EEPD1: variants seen among roughly 807,000 people sequenced by gnomAD.
EEPD1 encodes the protein endonuclease/exonuclease/phosphatase family domain-containing protein 1.
A neutral mutation model predicts 46.3 loss-of-function variants in EEPD1; 17 were observed. The ratio of observed to expected loss-of-function variants is 0.37; its 90% CI spans 0.25 to 0.55. EEPD1 has a LOEUF of 0.55. EEPD1 is among the 20% of genes least tolerant of loss of function. The pLI, the probability that EEPD1 is intolerant of heterozygous loss-of-function variation, is 0.83. For synonymous variants in EEPD1, 313 were observed against 315.6 expected, an observed-to-expected ratio of 0.99 and a Z score of 0.09; for missense variants, 673 against 745.6, an observed-to-expected ratio of 0.90 and a Z score of 1.13.
intron 2 of EEPD1, among the ~76,000 whole-genome samples, chr7:36,157,470 G>GT (rs954611611): frequency 6.9e-4 from 105 of 152,240 alleles, no homozygotes; most frequent in African/African-American, 2.2e-3. Context: ...AGGTTGTCCT[G>GT]TTTTTTTCTT....
chr7:36,295,582 CAAAT>C (rs1023886833), intron 6 of EEPD1, among the ~76,000 whole-genome samples: 4 of 152,138 alleles, frequency 2.6e-5, no homozygotes, highest in African/African-American at 9.7e-5. Context: ...TTTCACATAT[CAAAT>C]GAATGTTTTG....
At chr7:36,160,253 C>G (rs993996498) in intron 2 of EEPD1, among the ~76,000 whole-genome samples, 2 of 152,182 alleles carry the variant, frequency 1.3e-5, no homozygotes, top group African/African-American at 4.8e-5. Context: ...AGACAAAGTC[C>G]CTGCACTCAT....
At chr7:36,205,583 G>A (rs762579275) in intron 2 of EEPD1, among the ~76,000 whole-genome samples, 33 of 152,318 alleles carry the variant, frequency 2.2e-4, no homozygotes, top group African/African-American at 7.7e-4. Flanking sequence ...GGGTCCCAGC[G>A]CTGCATCTGG....
In EEPD1 at chr7:36,258,897, A is replaced by C. The variant is rs1220723710; in HGVS notation, c.930+19861A>C. Among the ~76,000 whole-genome samples, 3 of 151,408 alleles carry C rather than the reference A, an allele frequency of 2.0e-5. No homozygotes were observed. The East Asian group carries it at 5.8e-4, about 29-fold the overall frequency. ...GCCACTGGGGTATGAAAAAAAAAAA[A>C]AAAAAAACTGCAGCTAGCTCAGTGT... On this transcript the variant is annotated intron_variant, in intron 3 of 7. Transcript: ENST00000242108.
At chr7:36,280,999 T>TG in intron 3 of EEPD1, 116 bp from the exon 4 acceptor site, 1 of 750,156 alleles carries the variant, frequency 1.3e-6, no homozygotes, top group Admixed American at 2.4e-5. Flanking sequence ...AGTTCAGCAG[T>TG]GTCTGAATAA....
In EEPD1 at chr7:36,301,246, G is replaced by A. The variant is rs1787618667; in HGVS notation, c.*2040G>A. 1 of 152,210 alleles carries A rather than the reference G, an allele frequency of 6.6e-6. No individual in the cohort carries two copies. The highest frequency in any genetic ancestry group is 2.1e-4 in the South Asian group (1 of 4,836). 9.4% of individuals were successfully genotyped at this position (152,210 alleles called of 1,614,324 possible). On this transcript the variant is annotated 3_prime_UTR_variant, in exon 8 of 8. Transcript: ENST00000242108. Reference sequence around the variant, plus strand: ...GGCTCAGTGGCCCAGGAAGTGTGCTGGGCAGCCTGTTCTTACTCCAGCTCA... The same window carrying A: ...GGCTCAGTGGCCCAGGAAGTGTGCTAGGCAGCCTGTTCTTACTCCAGCTCA...
chr7:36,269,989 C>G (rs1303028241), intron 3 of EEPD1, among the ~76,000 whole-genome samples: 1 of 152,152 alleles, frequency 6.6e-6, no homozygotes, highest in East Asian at 1.9e-4. Context: ...AAAGCTTCGC[C>G]ACCAAGGAGA....
At chr7:36,158,922 A>T (rs760662352) in intron 2 of EEPD1, among the ~76,000 whole-genome samples, 1 of 152,242 alleles carries the variant, frequency 6.6e-6, no homozygotes, top group Non-Finnish European at 1.5e-5. Context: ...TTAACATCCC[A>T]CTTGCTCATT....
intron 3 of EEPD1, among the ~76,000 whole-genome samples, chr7:36,258,903 A>G (rs1347973657): frequency 6.6e-6 from 1 of 151,446 alleles, no homozygotes; most frequent in African/African-American, 2.4e-5. Flanking sequence ...AAAAAAAAAA[A>G]ACTGCAGCTA....
intron 2 of EEPD1, among the ~76,000 whole-genome samples, chr7:36,161,073 G>A (rs1288004637): frequency 6.6e-6 from 1 of 152,088 alleles, no homozygotes; most frequent in Non-Finnish European, 1.5e-5. Context: ...CAGCAGATGG[G>A]GCATCTGACA....
intron 2 of EEPD1, among the ~76,000 whole-genome samples, chr7:36,237,281 G>A (rs1288774063): frequency 6.6e-6 from 1 of 152,118 alleles, no homozygotes; most frequent in Non-Finnish European, 1.5e-5. Flanking sequence ...GAGGTTCCAC[G>A]GCTTCATTCT....
chr7:36,182,619 A>G (rs1002117761), intron 2 of EEPD1, among the ~76,000 whole-genome samples: 1 of 152,270 alleles, frequency 6.6e-6, no homozygotes, highest in African/African-American at 2.4e-5. Context: ...GGGGCCCCGC[A>G]TGGCTTTCAT....
chr7:36,239,151 T>A, intron 3 of EEPD1, 115 bp downstream of exon 3: 1 of 1,036,004 alleles, frequency 9.7e-7, no homozygotes, highest in South Asian at 1.4e-5. Context: ...CGGTCAGTTA[T>A]TTTGTATTCC....
chr7:36,168,757 C>A (rs376153524), intron 2 of EEPD1, among the ~76,000 whole-genome samples: 157 of 131,490 alleles, frequency 1.2e-3, no homozygotes, highest in Non-Finnish European at 1.0e-3. Context: ...GACTCTGTCT[C>A]AAAAAAAAAA....
At chr7:36,251,152 A>G (rs1003889644) in intron 3 of EEPD1, among the ~76,000 whole-genome samples, 1 of 152,208 alleles carries the variant, frequency 6.6e-6, no homozygotes, top group Non-Finnish European at 1.5e-5. Context: ...CTATGCTCCC[A>G]TTCTTAATCC....
At chr7:36,233,820 G>A (rs751213277) in intron 2 of EEPD1, among the ~76,000 whole-genome samples, 6 of 152,198 alleles carry the variant, frequency 3.9e-5, no homozygotes, top group African/African-American at 7.2e-5. Flanking sequence ...AAAAGCCAAC[G>A]GGGTTGGAGC....
chr7:36,228,141 C>G (rs1786259670), intron 2 of EEPD1, among the ~76,000 whole-genome samples: 1 of 152,164 alleles, frequency 6.6e-6, no homozygotes, highest in Non-Finnish European at 1.5e-5. Context: ...TGGAACTTTG[C>G]TTGAAAGGGA....
chr7:36,184,021 A>G (rs1415610637), intron 2 of EEPD1, among the ~76,000 whole-genome samples: 2 of 152,052 alleles, frequency 1.3e-5, no homozygotes, highest in African/African-American at 2.4e-5. Context: ...TGATTTTTTT[A>G]GCTTTTCTCT....
chr7:36,157,495 G>A (rs940306839), intron 2 of EEPD1, among the ~76,000 whole-genome samples: 18 of 152,198 alleles, frequency 1.2e-4, no homozygotes, highest in African/African-American at 4.3e-4. Flanking sequence ...GGGTTTCCTA[G>A]AGAGATGATG....
Sources: allele counts gnomAD v4.1 joint callset (sites outside exome capture counted in the v4.1 genomes callset), GRCh38; gene constraint gnomAD v4.1.1; transcripts MANE v1.5; gene names NCBI Gene and HGNC (gene_info 2026-07-23, HGNC 2026-07-21).